THSD4: variants seen among roughly 807,000 people sequenced by gnomAD.
The protein encoded by THSD4 is thrombospondin type 1 domain containing 4, also known as thrombospondin type-1 domain-containing protein 4.
Under a neutral mutation model 119.0 loss-of-function variants are expected in THSD4, and 69 were observed. The ratio of observed to expected loss-of-function variants is 0.58; its 90% CI spans 0.48 to 0.71. The LOEUF is 0.71. THSD4 is among the 30% of genes least tolerant of loss of function. THSD4 has a pLI of 0.00. For synonymous variants in THSD4, 524 were observed against 540.4 expected, an observed-to-expected ratio of 0.97 and a Z score of 0.42; for missense variants, 1,393 against 1,391.1, an observed-to-expected ratio of 1.00 and a Z score of -0.02.
chr15:71,198,080 C>T (rs551588690), intron 3 of THSD4, among the ~76,000 whole-genome samples: 4 of 152,212 alleles, frequency 2.6e-5, no homozygotes, highest in African/African-American at 7.2e-5. Flanking sequence ...TATAGTGAGA[C>T]CCTGTCTCTA....
At chr15:71,760,957 G>A (rs953740436) in intron 15 of THSD4, among the ~76,000 whole-genome samples, 6 of 151,706 alleles carry the variant, frequency 4.0e-5, no homozygotes, top group Admixed American at 6.6e-5. Flanking sequence ...ATTTTCAAAC[G>A]TTCTATGTAT....
intron 8 of THSD4, among the ~76,000 whole-genome samples, chr15:71,701,498 T>C (rs372350440): frequency 2.0e-5 from 3 of 152,306 alleles, no homozygotes; most frequent in South Asian, 2.1e-4. Context: ...GAATGTCCAT[T>C]GCAGCCAGTT....
At chr15:71,707,485 AT>A (rs1424922184) in intron 8 of THSD4, among the ~76,000 whole-genome samples, 2 of 152,216 alleles carry the variant, frequency 1.3e-5, no homozygotes, top group East Asian at 1.9e-4. Flanking sequence ...AACATTATTA[AT>A]TTGGGAACCA....
chr15:71,342,770 G>C (rs1049945507), intron 6 of THSD4: 7 of 152,390 alleles, frequency 4.6e-5, no homozygotes, highest in African/African-American at 1.7e-4. Context: ...GGGGGTCCTT[G>C]GATACCAACT....
chr15:71,466,866 G>A (rs1291283375), intron 7 of THSD4, among the ~76,000 whole-genome samples: 1 of 152,160 alleles, frequency 6.6e-6, no homozygotes, highest in Admixed American at 6.5e-5. Flanking sequence ...ACTGGACTGG[G>A]CCTGAGCCCT....
At chr15:71,267,788 A>C (rs1325818809) in intron 6 of THSD4, among the ~76,000 whole-genome samples, 1 of 152,204 alleles carries the variant, frequency 6.6e-6, no homozygotes, top group Non-Finnish European at 1.5e-5. Flanking sequence ...AATGGAAAGC[A>C]AAAAAGGCAT....
intron 7 of THSD4, among the ~76,000 whole-genome samples, chr15:71,554,885 A>G (rs2048994541): frequency 2.0e-5 from 3 of 152,208 alleles, no homozygotes; most frequent in Admixed American, 2.0e-4. Flanking sequence ...TATATAAGCA[A>G]TTATGAAGTA....
At chr15:71,442,660 GTATATATA>G (rs71154772) in intron 7 of THSD4, among the ~76,000 whole-genome samples, 573 of 25,792 alleles carry the variant, frequency 0.022, 69 homozygotes, top group Non-Finnish European at 0.036. Flanking sequence ...GTGTGTGTGT[GTATATATA>G]TATATATATA....
At chr15:71,506,236 G>C (rs553289252) in intron 7 of THSD4, among the ~76,000 whole-genome samples, 140 of 152,206 alleles carry the variant, frequency 9.2e-4, no homozygotes, top group Middle Eastern at 6.8e-3. Context: ...TTTGCCTCCA[G>C]GTTTGTGTTT....
At chr15:71,723,649 CAAACTGAATT>C (rs1269983089) in intron 8 of THSD4, among the ~76,000 whole-genome samples, 1 of 152,150 alleles carries the variant, frequency 6.6e-6, no homozygotes, top group Non-Finnish European at 1.5e-5. Context: ...AGTGTATGGA[CAAACTGAATT>C]AAACTGAATT....
chr15:71,284,227 T>C (rs2044688039), intron 6 of THSD4, among the ~76,000 whole-genome samples: 1 of 152,204 alleles, frequency 6.6e-6, no homozygotes, highest in East Asian at 1.9e-4. Context: ...AAAATGCTTT[T>C]ATATTCCTTG....
intron 8 of THSD4, among the ~76,000 whole-genome samples, chr15:71,670,506 G>GTA (rs1399688541): frequency 6.2e-4 from 91 of 147,102 alleles, no homozygotes; most frequent in South Asian, 2.2e-3. Context: ...TTACATATAT[G>GTA]TATATATATA....
intron 6 of THSD4, among the ~76,000 whole-genome samples, chr15:71,269,478 C>G (rs534506373): frequency 5.9e-5 from 9 of 152,260 alleles, no homozygotes; most frequent in Non-Finnish European, 1.0e-4. Context: ...TTATGACAAA[C>G]CCATAGCCAA....
chr15:71,780,542 A>G lies in THSD4; in HGVS notation c.*3168A>G. 1 of 275,424 alleles carries G rather than the reference A, an allele frequency of 3.6e-6. No homozygotes were observed. The highest frequency in any genetic ancestry group is 3.6e-5 in the South Asian group (1 of 28,028). The allele number at this position is 275,424 out of a possible 1,614,324, so 17.1% of individuals were successfully genotyped here. A position where few individuals can be genotyped will look rare whatever the true frequency, so the allele number is the denominator to read the frequency against. ...AAAAAACAAACAAAAACACCAAAAG[A>G]AAAAAAAAAGCCATTTAAAGCCAGC... On this transcript the variant is annotated 3_prime_UTR_variant, in exon 18 of 18. Transcript: ENST00000261862.
chr15:71,697,517 CA>C (rs1397193905), intron 8 of THSD4, among the ~76,000 whole-genome samples: 3 of 152,112 alleles, frequency 2.0e-5, no homozygotes, highest in Non-Finnish European at 4.4e-5. Context: ...GGCAGGCAGG[CA>C]AAGAAGTAGG....
chr15:71,664,136 C>T lies in THSD4; in HGVS notation c.1357+3402C>T, dbSNP rs1029530250. On this transcript the variant is annotated intron_variant, in intron 8 of 17. Transcript: ENST00000261862. ...TAGCTGGGACTACAGGCGCTCACCA[C>T]CATACCCGGCTAATTTTTTGTATTT... 5.1e-4 allele frequency among the ~76,000 whole-genome samples: 78 copies of T among 151,980 alleles called. 5 individuals carry two copies. Among genetic ancestry groups the T allele is most frequent in the Non-Finnish European group, 1.5e-5 (1 of 68,006 alleles).
intron 6 of THSD4, among the ~76,000 whole-genome samples, chr15:71,317,150 C>T (rs1188463866): frequency 6.6e-6 from 1 of 152,214 alleles, no homozygotes; most frequent in Non-Finnish European, 1.5e-5. Flanking sequence ...GACTAAGCCT[C>T]CACTCCCTTA....
chr15:71,234,287 C>T (rs1242072116), intron 4 of THSD4, among the ~76,000 whole-genome samples: 1 of 152,228 alleles, frequency 6.6e-6, no homozygotes, highest in Non-Finnish European at 1.5e-5. Flanking sequence ...CTGTCCTAAT[C>T]TCTGAATACT....
intron 8 of THSD4, among the ~76,000 whole-genome samples, chr15:71,675,997 C>T (rs531015044): frequency 3.5e-4 from 54 of 152,280 alleles, no homozygotes; most frequent in African/African-American, 1.2e-3. Context: ...TACAATCATG[C>T]ATCCCATGCT....
Sources: gnomAD v4.1 joint callset for allele counts (sites outside exome capture counted in the v4.1 genomes callset) on GRCh38, gnomAD v4.1.1 for gene constraint, MANE v1.5 for transcripts, NCBI Gene and HGNC (gene_info 2026-07-23, HGNC 2026-07-21) for gene names.